TMEM192: variants seen among roughly 807,000 people sequenced by gnomAD.
TMEM192 encodes transmembrane protein 192.
Under a neutral mutation model 26.7 loss-of-function variants are expected in TMEM192, and 20 were observed. The observed-to-expected ratio is 0.75, with a 90% CI of 0.53 to 1.09. The LOEUF is 1.09. Ranked by LOEUF, TMEM192 falls within the 50% of genes least tolerant of loss-of-function variation. The probability of loss-of-function intolerance (pLI) is 0.00; values close to 1 mark genes in which losing one functional copy is unlikely to be tolerated. For missense variants in TMEM192, 304 were observed against 322.6 expected, an observed-to-expected ratio of 0.94 and a Z score of 0.44; for synonymous variants, 124 against 121.0, an observed-to-expected ratio of 1.02 and a Z score of -0.16.
At chr4:165,102,868 C>A in intron 2 of TMEM192, 82 bp downstream of exon 2, 6 of 1,249,142 alleles carry the variant, frequency 4.8e-6, no homozygotes, top group Non-Finnish European at 5.3e-6. Flanking sequence ...TTGATAGATA[C>A]AGCACAACTG....
chr4:165,086,590 T>G lies in TMEM192; in HGVS notation c.575-902A>C, dbSNP rs928624145. On this transcript the variant is annotated intron_variant, in intron 4 of 5. Transcript: ENST00000306480. ...GCGTGCACCACCACACCCAGCTAAT[T>G]TTTTTTGTATTTTCAGTAGAGACGG... Among the ~76,000 whole-genome samples the G allele has an allele frequency of 4.7e-4, 71 of 151,820 alleles. 1 individual carries two copies. The highest frequency in any genetic ancestry group is 9.6e-4 in the Non-Finnish European group (65 of 67,870).
intron 1 of TMEM192, among the ~76,000 whole-genome samples, chr4:165,109,409 T>G (rs574281542): frequency 1.1e-4 from 16 of 152,322 alleles, no homozygotes; most frequent in Admixed American, 9.2e-4. Flanking sequence ...TTGCCCAGAT[T>G]GGAGTGCAAT....
At chr4:165,102,105 C>A (rs147523598) in intron 2 of TMEM192, among the ~76,000 whole-genome samples, 5 of 152,108 alleles carry the variant, frequency 3.3e-5, no homozygotes, top group Non-Finnish European at 5.9e-5. Context: ...GTGAGGCCTG[C>A]GATAAGACCT....
At chr4:165,086,613 C>T (rs144459160) in intron 4 of TMEM192, among the ~76,000 whole-genome samples, 5,123 of 151,910 alleles carry the variant, frequency 0.034, 135 homozygotes, top group African/African-American at 0.081. Context: ...TCAGTAGAGA[C>T]GGTGTTTCAC....
chr4:165,072,513 CGCCACTGCACTCCA>C lies in TMEM192; in HGVS notation c.*7131_*7144del, dbSNP rs1471880236. 9.9e-5 allele frequency: 15 copies of C among 150,902 alleles called. No homozygotes were observed. Among genetic ancestry groups the C allele is most frequent in the African/African-American group, 3.4e-4 (14 of 41,068 alleles). 9.3% of individuals were successfully genotyped at this position (150,902 alleles called of 1,614,324 possible). A position where few individuals can be genotyped will look rare whatever the true frequency, so the allele number is the denominator to read the frequency against. ...CGGAGGTTGCAGTGAGCCCAGATCG[CGCCACTGCACTCCA>C]GCCTGGGCAACAGAGCGAGACTCCC... On this transcript the variant is annotated 3_prime_UTR_variant, in exon 6 of 6. Transcript: ENST00000306480.
intron 3 of TMEM192, among the ~76,000 whole-genome samples, chr4:165,095,536 C>T (rs1009981599): frequency 3.3e-5 from 5 of 152,116 alleles, no homozygotes; most frequent in Non-Finnish European, 7.3e-5. Context: ...ACTATGCCCT[C>T]GGGTCCTACA....
rs1225624828 is a variant in TMEM192 at position 165,076,766 on chromosome 4, T to C, written c.*2892A>G. ...ATTACCAGCCTGGTGAATAGAATGT[T>C]TAACATTTAAATTGTTTTGTTCATT... On this transcript the variant is annotated 3_prime_UTR_variant, in exon 6 of 6. Coordinates refer to ENST00000306480, the MANE Select transcript of TMEM192 (RefSeq NM_001100389.2). The C allele has an allele frequency of 1.3e-5, 2 of 152,222 alleles. No individual in the cohort carries two copies. Among genetic ancestry groups the C allele is most frequent in the Admixed American group, 6.6e-5 (1 of 15,258 alleles). 9.4% of individuals were successfully genotyped at this position (152,222 alleles called of 1,614,324 possible).
intron 4 of TMEM192, among the ~76,000 whole-genome samples, chr4:165,086,422 T>G (rs1161785423): frequency 6.9e-6 from 1 of 144,544 alleles, no homozygotes; most frequent in East Asian, 2.0e-4. Context: ...TTTACACTTT[T>G]TTTTTTTTTT....
At chr4:165,095,639 T>A (rs1016298566) in intron 3 of TMEM192, among the ~76,000 whole-genome samples, 6 of 152,298 alleles carry the variant, frequency 3.9e-5, no homozygotes, top group Admixed American at 1.3e-4. Flanking sequence ...CTTTACACTT[T>A]TAGGCCCCAG....
chr4:165,079,603 G>T lies in TMEM192; in HGVS notation c.*55C>A, dbSNP rs1734472660. On this transcript the variant is annotated 3_prime_UTR_variant, in exon 6 of 6. Transcript: ENST00000306480. ...CCCGTGGCAGCTTGTCAGGTGGTCAGTCAGTCTCAATTACTCTGGGTTCCT... is the reference window on the plus strand; with the variant it reads ...CCCGTGGCAGCTTGTCAGGTGGTCATTCAGTCTCAATTACTCTGGGTTCCT... The T allele has an allele frequency of 1.3e-6, 2 of 1,538,660 alleles. No homozygotes were observed. Among genetic ancestry groups the T allele is most frequent in the South Asian group, 2.4e-5 (2 of 82,110 alleles).
intron 5 of TMEM192, 101 bp downstream of exon 5, chr4:165,085,485 T>C (rs755451074): frequency 1.3e-5 from 10 of 785,418 alleles, no homozygotes; most frequent in South Asian, 1.8e-5. Flanking sequence ...ATCAAACAAA[T>C]GTAAAAGTAC....
rs1029417131 is a variant in TMEM192 at position 165,076,548 on chromosome 4, G to T, written c.*3110C>A. The T allele has an allele frequency of 5.3e-5, 8 of 152,190 alleles. No homozygotes were observed. The highest frequency in any genetic ancestry group is 1.9e-4 in the African/African-American group (8 of 41,398). The allele number at this position is 152,190 out of a possible 1,614,324, so 9.4% of individuals were successfully genotyped here. A position where few individuals can be genotyped will look rare whatever the true frequency, so the allele number is the denominator to read the frequency against. On this transcript the variant is annotated 3_prime_UTR_variant, in exon 6 of 6. Coordinates refer to ENST00000306480, the MANE Select transcript of TMEM192 (RefSeq NM_001100389.2). Reference sequence around the variant, plus strand: ...TATTTGCCTTCCTACTTTACTCATTGTTCTGTCTGACATTCTTAAAACCCT... The same window carrying T: ...TATTTGCCTTCCTACTTTACTCATTTTTCTGTCTGACATTCTTAAAACCCT...
chr4:165,073,248 C>G lies in TMEM192; in HGVS notation c.*6410G>C, dbSNP rs1734307287. The G allele has an allele frequency of 6.6e-6, 1 of 152,638 alleles. No homozygotes were observed. The highest frequency in any genetic ancestry group is 1.5e-5 in the Non-Finnish European group (1 of 68,432). The allele number at this position is 152,638 out of a possible 1,614,324, so 9.5% of individuals were successfully genotyped here. On this transcript the variant is annotated 3_prime_UTR_variant, in exon 6 of 6. Transcript: ENST00000306480. ...TGTTTCTGCTTTGAGATGCTGTTAACCTATAACTTTAGCCCCAACCCTGTG... is the reference window on the plus strand; with the variant it reads ...TGTTTCTGCTTTGAGATGCTGTTAAGCTATAACTTTAGCCCCAACCCTGTG...
At position 165,083,882 on chromosome 4, in the gene TMEM192, C is replaced by T. The variant is rs60170324; in HGVS notation, c.677+1704G>A. ...TGTTATCCAGGCTGGAGTGCAGTGGCGCAATCTTAGCTCACTGCAACCTCC... is the reference window on the plus strand; with the variant it reads ...TGTTATCCAGGCTGGAGTGCAGTGGTGCAATCTTAGCTCACTGCAACCTCC... On this transcript the variant is annotated intron_variant, in intron 5 of 5. Transcript: ENST00000306480. 4.9e-4 allele frequency among the ~76,000 whole-genome samples: 4 copies of T among 8,104 alleles called. 2 individuals carry two copies. The highest frequency in any genetic ancestry group is 4.2e-3 in the Non-Finnish European group (4 of 944). The allele number at this position is 8,104 out of a possible 152,430, so 5.3% of individuals were successfully genotyped here. A position where few individuals can be genotyped will look rare whatever the true frequency, so the allele number is the denominator to read the frequency against.
At chr4:165,084,071 C>T (rs938592307) in intron 5 of TMEM192, among the ~76,000 whole-genome samples, 4 of 152,006 alleles carry the variant, frequency 2.6e-5, no homozygotes, top group Non-Finnish European at 5.9e-5. Flanking sequence ...CTGCCCACCT[C>T]AGCCTCTTAA....
At position 165,107,330 on chromosome 4, in the gene TMEM192, T is replaced by A. The variant is rs560056143; in HGVS notation, c.28-4234A>T. On this transcript the variant is annotated intron_variant, in intron 1 of 5. Transcript: ENST00000306480. The stretch of plus-strand genomic sequence containing the variant: ...AACCACTGTACCCAACCTTTTTTTT[T>A]AAAACAAAAACAAAAACAAAAAAAA... Among the ~76,000 whole-genome samples, 22 of 141,056 alleles carry A rather than the reference T, an allele frequency of 1.6e-4. No homozygotes were observed. In the South Asian group the frequency reaches 1.9e-3, roughly 12 times the overall value. The allele number at this position is 141,056 out of a possible 152,430, so 92.5% of individuals were successfully genotyped here. A position where few individuals can be genotyped will look rare whatever the true frequency, so the allele number is the denominator to read the frequency against.
chr4:165,107,178 C>T (rs1236128594), intron 1 of TMEM192, among the ~76,000 whole-genome samples: 1 of 151,978 alleles, frequency 6.6e-6, no homozygotes, highest in African/African-American at 2.4e-5. Context: ...GTGCCCGACA[C>T]CTTGTCCAGC....
At chr4:165,096,396 C>T (rs1734903678) in intron 3 of TMEM192, among the ~76,000 whole-genome samples, 1 of 150,696 alleles carries the variant, frequency 6.6e-6, no homozygotes, top group Non-Finnish European at 1.5e-5. Flanking sequence ...CAGAGCAAGA[C>T]TCTCAAAAAA....
At chr4:165,090,500 C>T (rs1734733392) in intron 3 of TMEM192, among the ~76,000 whole-genome samples, 1 of 152,130 alleles carries the variant, frequency 6.6e-6, no homozygotes, top group Non-Finnish European at 1.5e-5. Context: ...TGCTGGACCT[C>T]ACGCAATGTA....
Sources: allele counts gnomAD v4.1 joint callset (sites outside exome capture counted in the v4.1 genomes callset), GRCh38; gene constraint gnomAD v4.1.1; transcripts MANE v1.5; gene names NCBI Gene and HGNC (gene_info 2026-07-23, HGNC 2026-07-21).